Variants in PRKN observed in about 807,000 individuals in gnomAD.
PRKN encodes the protein parkin RBR E3 ubiquitin protein ligase.
Under a neutral mutation model 59.5 loss-of-function variants are expected in PRKN, and 56 were observed. The observed-to-expected ratio is 0.94, with a 90% CI of 0.76 to 1.18. The LOEUF is 1.18. PRKN is among the 50% of genes most tolerant of loss of function. The pLI is 0.00. For missense variants in PRKN, 657 were observed against 596.4 expected (o/e 1.10, Z -1.06); for synonymous variants, 250 against 222.1 (o/e 1.13, Z -1.12).
chr6:161,723,319 TCAC>T lies in PRKN; in HGVS notation c.871+62450_871+62452del, dbSNP rs575095695. 3.2e-4 allele frequency among the ~76,000 whole-genome samples: 49 copies of T among 151,876 alleles called. No homozygotes were observed. The East Asian group carries it at 8.5e-3, about 26-fold the overall frequency. On this transcript the variant is annotated intron_variant, in intron 7 of 11. Transcript: ENST00000366898. ...CATGATTAAAGTGACACACAACAGA[TCAC>T]TGTTTATTACAAATCCTCATGTCTT... is the stretch of plus-strand genomic sequence containing the variant.
intron 7 of PRKN, among the ~76,000 whole-genome samples, chr6:161,587,769 A>G (rs1781572060): frequency 6.6e-6 from 1 of 152,148 alleles, no homozygotes; most frequent in African/African-American, 2.4e-5. Context: ...ACCGAACCCA[A>G]TGTGTAGGCT....
intron 2 of PRKN, among the ~76,000 whole-genome samples, chr6:162,287,149 C>T (rs751184870): frequency 9.9e-5 from 15 of 152,096 alleles, no homozygotes; most frequent in South Asian, 2.1e-4. Flanking sequence ...ACAGATGAGA[C>T]GCAACGAAAG....
At position 161,454,259 on chromosome 6, in the gene PRKN, T is replaced by A. The variant is rs1036516826; in HGVS notation, c.1084-67382A>T. Among the ~76,000 whole-genome samples the A allele has an allele frequency of 2.6e-5, 4 of 152,146 alleles. No homozygotes were observed. The highest frequency in any genetic ancestry group is 7.2e-5 in the African/African-American group (3 of 41,428). On this transcript the variant is annotated intron_variant, in intron 9 of 11. Transcript: ENST00000366898. This position sits in a 1 kb window ranked among gnomAD's most constrained non-coding sequence, Gnocchi z 4.6. ...TAGCACTGACGGCACATAGCCTGTG[T>A]CTTTTGAGCTCACTTTCCATGTTAT... is the stretch of plus-strand genomic sequence containing the variant.
In PRKN at chr6:161,554,610, T is replaced by C. The variant is rs751689030; in HGVS notation, c.934-5607A>G. Reference sequence around the variant, plus strand: ...TTTTATTCTTGATAATGAGTTTGGCTGCATAAAAAATCTTTATATTATACA... The same window carrying C: ...TTTTATTCTTGATAATGAGTTTGGCCGCATAAAAAATCTTTATATTATACA... On this transcript the variant is annotated intron_variant, in intron 8 of 11. Coordinates refer to ENST00000366898, the MANE Select transcript of PRKN (RefSeq NM_004562.3). The surrounding 1 kb of genome is among the most constrained non-coding windows in gnomAD (Gnocchi z 4.5). Among the ~76,000 whole-genome samples, 78 of 151,936 alleles carry C rather than the reference T, an allele frequency of 5.1e-4. No homozygotes were observed. The highest frequency in any genetic ancestry group is 1.8e-4 in the Non-Finnish European group (12 of 67,994).
intron 2 of PRKN, among the ~76,000 whole-genome samples, chr6:162,331,262 C>T (rs1040177207): frequency 6.6e-6 from 1 of 152,130 alleles, no homozygotes; most frequent in Non-Finnish European, 1.5e-5. Context: ...CCAGGCCCCT[C>T]CTCCAGCAAT....
chr6:162,438,392 C>G (rs1008306223), intron 2 of PRKN, among the ~76,000 whole-genome samples: 2 of 152,094 alleles, frequency 1.3e-5, no homozygotes, highest in African/African-American at 4.8e-5. Flanking sequence ...TCCCTCCTTC[C>G]TAGTGTTCCA....
At chr6:162,399,486 C>G (rs1260641916) in intron 2 of PRKN, among the ~76,000 whole-genome samples, 1 of 152,116 alleles carries the variant, frequency 6.6e-6, no homozygotes, top group Non-Finnish European at 1.5e-5. Context: ...GGACACCCCT[C>G]CACAATACAT....
chr6:162,403,167 T>TCAA (rs1465598232), intron 2 of PRKN, among the ~76,000 whole-genome samples: 1 of 152,184 alleles, frequency 6.6e-6, no homozygotes, highest in Non-Finnish European at 1.5e-5. Flanking sequence ...TGAAATTCTT[T>TCAA]CAACTCACAA....
At chr6:161,585,607 G>A (rs986545827) in intron 7 of PRKN, among the ~76,000 whole-genome samples, 3 of 152,262 alleles carry the variant, frequency 2.0e-5, no homozygotes, top group Non-Finnish European at 2.9e-5. Flanking sequence ...AGCTCAAACC[G>A]AATAAGAATT....
intron 1 of PRKN, among the ~76,000 whole-genome samples, chr6:162,501,514 A>ATTTTTT (rs10596593): frequency 7.1e-6 from 1 of 141,750 alleles, no homozygotes; most frequent in Non-Finnish European, 1.5e-5. Context: ...CGCCTGGTTA[A>ATTTTTT]TTTTTTTTTT....
chr6:161,771,377 TA>T (rs1486726671), intron 7 of PRKN, among the ~76,000 whole-genome samples: 619 of 40,960 alleles, frequency 0.015, 33 homozygotes, highest in African/African-American at 0.036. Context: ...AAAAATAAAA[TA>T]AAATAAAATA....
chr6:162,724,512 C>T (rs1201917326), intron 1 of PRKN, among the ~76,000 whole-genome samples: 2 of 152,142 alleles, frequency 1.3e-5, no homozygotes, highest in Non-Finnish European at 2.9e-5. Flanking sequence ...TTACGTTTCT[C>T]CTTAAACTAA....
chr6:162,602,959 T>C (rs1781768647), intron 1 of PRKN, among the ~76,000 whole-genome samples: 1 of 152,136 alleles, frequency 6.6e-6, no homozygotes, highest in South Asian at 2.1e-4. Flanking sequence ...CCTGGGGTTC[T>C]TGGCTGACAT....
At chr6:162,661,716 C>G (rs750535985) in intron 1 of PRKN, among the ~76,000 whole-genome samples, 4 of 152,112 alleles carry the variant, frequency 2.6e-5, no homozygotes, top group Non-Finnish European at 5.9e-5. Flanking sequence ...CTACGCGTAT[C>G]TATGTATTTA....
chr6:162,381,925 T>C (rs1469483211), intron 2 of PRKN, among the ~76,000 whole-genome samples: 1 of 152,178 alleles, frequency 6.6e-6, no homozygotes, highest in East Asian at 1.9e-4. Flanking sequence ...AGAATTGTTT[T>C]TCTTTTTCCC....
intron 3 of PRKN, among the ~76,000 whole-genome samples, chr6:162,235,958 G>GAAA (rs1562602229): frequency 1.9e-4 from 18 of 92,678 alleles, no homozygotes; most frequent in East Asian, 1.0e-3. Context: ...AGGAAGAAAG[G>GAAA]AAGAAAGAAA....
intron 2 of PRKN, among the ~76,000 whole-genome samples, chr6:162,279,252 C>A (rs1780773130): frequency 6.6e-6 from 1 of 151,680 alleles, no homozygotes; most frequent in Admixed American, 6.6e-5. Flanking sequence ...GCAAGAGAAT[C>A]GCTTGAACCT....
intron 5 of PRKN, among the ~76,000 whole-genome samples, chr6:162,052,299 T>C (rs1777675927): frequency 6.6e-6 from 1 of 152,092 alleles, no homozygotes; most frequent in East Asian, 1.9e-4. Context: ...GAATTTCAGG[T>C]GTGTGTGTGC....
rs1784726904 is a variant in PRKN at position 161,355,820 on chromosome 6, T to C, written c.1285+4268A>G. On this transcript the variant is annotated intron_variant, in intron 11 of 11. Coordinates refer to ENST00000366898, the MANE Select transcript of PRKN (RefSeq NM_004562.3). The surrounding 1 kb of genome is among the most constrained non-coding windows in gnomAD (Gnocchi z 6.8). ...GGCTTATGTTCTAAAGAGCGACAGA[T>C]GGGGAACATGTAAATGAACAAATTA... 6.6e-6 allele frequency among the ~76,000 whole-genome samples: 1 copy of C among 152,088 alleles called. No homozygotes were observed. Among genetic ancestry groups the C allele is most frequent in the Non-Finnish European group, 1.5e-5 (1 of 68,030 alleles).
Sources: allele counts gnomAD v4.1 joint callset (sites outside exome capture counted in the v4.1 genomes callset), GRCh38; gene constraint gnomAD v4.1.1; non-coding constraint Gnocchi (gnomAD v3.1); transcripts MANE v1.5; gene names NCBI Gene and HGNC (gene_info 2026-07-23, HGNC 2026-07-21).